ASAP1: variants seen among roughly 807,000 people sequenced by gnomAD.
ASAP1 encodes the protein arf-GAP with SH3 domain, ANK repeat and PH domain-containing protein 1.
ASAP1 carries 43 observed loss-of-function variants against 145.2 expected under a neutral mutation model. The observed-to-expected ratio is 0.30, with a 90% CI of 0.23 to 0.38. ASAP1 has a LOEUF of 0.38. Among genes scored for constraint, ASAP1 ranks in the 10% least tolerant of loss-of-function variants. ASAP1 has a pLI of 1.00. For missense variants in ASAP1, 1,018 were observed against 1,355.3 expected (o/e 0.75, Z 3.91); for synonymous variants, 546 against 515.5 (o/e 1.06, Z -0.80).
intron 5 of ASAP1, among the ~76,000 whole-genome samples, chr8:130,204,273 C>T (rs1457583002): frequency 1.3e-5 from 2 of 152,176 alleles, no homozygotes; most frequent in Non-Finnish European, 2.9e-5. Context: ...CATCCCGAAA[C>T]CATCCTCCCG....
At chr8:130,317,083 C>A (rs1022155066) in intron 3 of ASAP1, among the ~76,000 whole-genome samples, 3 of 129,270 alleles carry the variant, frequency 2.3e-5, no homozygotes, top group Non-Finnish European at 4.8e-5. Flanking sequence ...AGTTTCACAT[C>A]ATGCTTTTTT....
chr8:130,370,810 T>C (rs1827177670), intron 2 of ASAP1, among the ~76,000 whole-genome samples: 2 of 152,162 alleles, frequency 1.3e-5, no homozygotes, highest in South Asian at 2.1e-4. Context: ...AAAGACCACA[T>C]ACTGTATGAT....
chr8:130,357,080 T>C lies in ASAP1; in HGVS notation c.186+937A>G, dbSNP rs533309382. 1.2e-4 allele frequency among the ~76,000 whole-genome samples: 19 copies of C among 152,312 alleles called. 1 individual carries two copies. In the South Asian group the frequency reaches 1.9e-3, roughly 15 times the overall value. On this transcript the variant is annotated intron_variant, in intron 3 of 29. Coordinates refer to ENST00000518721, the MANE Select transcript of ASAP1 (RefSeq NM_018482.4). ...GCTGAGTTCCTGGGCAAATATCCTA[T>C]TTTTATCGTGGCCCCAGAGGCTTCT...
At chr8:130,223,526 TAA>T (rs1341383443) in intron 4 of ASAP1, among the ~76,000 whole-genome samples, 1 of 152,210 alleles carries the variant, frequency 6.6e-6, no homozygotes, top group Non-Finnish European at 1.5e-5. Flanking sequence ...CCAGGATATA[TAA>T]GATGACTGTG....
chr8:130,154,866 T>C (rs2135977102), intron 12 of ASAP1, among the ~76,000 whole-genome samples: 1 of 152,316 alleles, frequency 6.6e-6, no homozygotes, highest in East Asian at 1.9e-4. Context: ...AAATAAGAGC[T>C]AAATCACATA....
At chr8:130,060,340 G>A (rs2097416137) in intron 28 of ASAP1, among the ~76,000 whole-genome samples, 1 of 152,128 alleles carries the variant, frequency 6.6e-6, no homozygotes, top group African/African-American at 2.4e-5. Context: ...AAAGTAACTT[G>A]CCAAGGTTGT....
At chr8:130,362,905 A>C (rs1826783996) in intron 2 of ASAP1, among the ~76,000 whole-genome samples, 2 of 152,220 alleles carry the variant, frequency 1.3e-5, no homozygotes, top group Admixed American at 1.3e-4. Flanking sequence ...GTAAAGAAGG[A>C]TAATCTGAGC....
At chr8:130,062,343 G>A (rs2097421380) in intron 27 of ASAP1, among the ~76,000 whole-genome samples, 1 of 152,216 alleles carries the variant, frequency 6.6e-6, no homozygotes, top group South Asian at 2.1e-4. Context: ...AAATGTCACA[G>A]GCTGTACTAG....
chr8:130,278,683 A>G (rs2137156175), intron 3 of ASAP1, among the ~76,000 whole-genome samples: 1 of 152,288 alleles, frequency 6.6e-6, no homozygotes, highest in Admixed American at 6.5e-5. Context: ...AACTCTAATT[A>G]ATTCCTGGGA....
intron 1 of ASAP1, among the ~76,000 whole-genome samples, chr8:130,403,268 T>A (rs1828876976): frequency 6.6e-6 from 1 of 151,240 alleles, no homozygotes; most frequent in Admixed American, 6.6e-5. Context: ...CTCATAAATG[T>A]CAAAAATGGT....
At chr8:130,410,873 T>C (rs1453213822) in intron 1 of ASAP1, among the ~76,000 whole-genome samples, 6 of 152,166 alleles carry the variant, frequency 3.9e-5, no homozygotes, top group Non-Finnish European at 8.8e-5. Flanking sequence ...TCTTTTTCTG[T>C]TTTTTGAGAC....
intron 3 of ASAP1, among the ~76,000 whole-genome samples, chr8:130,327,468 T>C (rs538391410): frequency 6.6e-6 from 1 of 152,334 alleles, no homozygotes; most frequent in East Asian, 1.9e-4. Flanking sequence ...AGCACAGGCA[T>C]GTAAGACCAC....
At chr8:130,158,389 C>T (rs1388375332) in intron 12 of ASAP1, among the ~76,000 whole-genome samples, 4 of 150,286 alleles carry the variant, frequency 2.7e-5, no homozygotes, top group Non-Finnish European at 4.4e-5. Flanking sequence ...GTGGCATGTG[C>T]CTATAGTCCC....
intron 1 of ASAP1, among the ~76,000 whole-genome samples, chr8:130,405,481 T>A (rs1586986089): frequency 6.6e-6 from 1 of 152,208 alleles, no homozygotes; most frequent in Non-Finnish European, 1.5e-5. Context: ...TGGGTCTTCA[T>A]GAGAGGCTGC....
At chr8:130,255,061 T>C (rs911160764) in intron 3 of ASAP1, among the ~76,000 whole-genome samples, 3 of 152,148 alleles carry the variant, frequency 2.0e-5, no homozygotes, top group Non-Finnish European at 4.4e-5. Flanking sequence ...GTCTCGAAAG[T>C]CATCTCCCAA....
chr8:130,167,473 A>G (rs569296185), intron 11 of ASAP1, 63 bp downstream of exon 11: 74 of 1,298,094 alleles, frequency 5.7e-5, no homozygotes, highest in Non-Finnish European at 8.2e-5. Flanking sequence ...AGGAAACACA[A>G]AGGGTATTAC....
intron 3 of ASAP1, among the ~76,000 whole-genome samples, chr8:130,323,232 T>C (rs1247842393): frequency 1.3e-5 from 2 of 152,204 alleles, no homozygotes; most frequent in Non-Finnish European, 2.9e-5. Context: ...GCAAATGGAC[T>C]GCTATGCCGT....
intron 3 of ASAP1, among the ~76,000 whole-genome samples, chr8:130,274,913 T>C (rs1026525116): frequency 6.6e-6 from 1 of 152,246 alleles, no homozygotes; most frequent in East Asian, 1.9e-4. Flanking sequence ...CTCTCTTCGC[T>C]TTTCCTCATA....
intron 18 of ASAP1, among the ~76,000 whole-genome samples, chr8:130,122,641 A>G (rs2097568348): frequency 6.6e-6 from 1 of 152,226 alleles, no homozygotes; most frequent in African/African-American, 2.4e-5. Context: ...TACTTGTCCA[A>G]GGTCACATAG....
Sources: allele counts gnomAD v4.1 joint callset (sites outside exome capture counted in the v4.1 genomes callset), GRCh38; gene constraint gnomAD v4.1.1; transcripts MANE v1.5; gene names NCBI Gene and HGNC (gene_info 2026-07-23, HGNC 2026-07-21).